ADAMTS18: variants seen among roughly 807,000 people sequenced by gnomAD.
ADAMTS18 encodes ADAM metallopeptidase with thrombospondin type 1 motif 18, also known as A disintegrin and metalloproteinase with thrombospondin motifs 18.
In ADAMTS18, 157 loss-of-function variants were observed where a neutral mutation model predicts 165.9. The observed-to-expected ratio is 0.95, with a 90% CI of 0.83 to 1.08. ADAMTS18 has a LOEUF of 1.08. ADAMTS18 is among the 50% of genes least tolerant of loss of function. The pLI, the probability that ADAMTS18 is intolerant of heterozygous loss-of-function variation, is 0.00. For synonymous variants in ADAMTS18, 782 were observed against 578.2 expected (o/e 1.35, Z -5.06); for missense variants, 2,040 against 1,534.0 (o/e 1.33, Z -5.51).
chr16:77,403,623 G>C (rs2057358159), intron 3 of ADAMTS18, among the ~76,000 whole-genome samples: 1 of 152,166 alleles, frequency 6.6e-6, no homozygotes, highest in African/African-American at 2.4e-5. Context: ...GGCTTAGTCA[G>C]GTCCTCTGAA....
intron 7 of ADAMTS18, 81 bp downstream of exon 7, chr16:77,362,023 AG>A: frequency 6.9e-7 from 1 of 1,445,400 alleles, no homozygotes; most frequent in Non-Finnish European, 9.7e-7. Context: ...AAGGAACATA[AG>A]GGCTATCCAT....
chr16:77,290,391 G>C (rs2055339404), intron 21 of ADAMTS18: 1 of 152,148 alleles, frequency 6.6e-6, no homozygotes, highest in Non-Finnish European at 1.5e-5. Context: ...GGTGGCAACT[G>C]TTTGCTGACC....
In ADAMTS18 at chr16:77,319,937, G is replaced by C; in HGVS notation, c.2444C>G (p.Ala815Gly). Residue 815 changes from alanine (A) to glycine (G), a missense_variant, in exon 16 of 23, where the codon GCT (alanine) becomes GGT (glycine). Transcript: ENST00000282849. Reference protein sequence around the residue: ...SIDWPGEFPFAGTTFEYQRSF... With the variant: ...SIDWPGEFPFGGTTFEYQRSF... ...GCGCTGGTATTCAAACGTGGTCCCA[G>C]CGAAGGGGAACTCCCCAGGCCAGTC... The C allele has an allele frequency of 9.3e-6, 15 of 1,614,192 alleles. No individual in the cohort carries two copies. Among genetic ancestry groups the C allele is most frequent in the Non-Finnish European group, 1.3e-5 (15 of 1,180,036 alleles).
intron 13 of ADAMTS18, among the ~76,000 whole-genome samples, chr16:77,324,396 T>TA (rs1597123025): frequency 6.6e-6 from 1 of 152,224 alleles, no homozygotes; most frequent in Admixed American, 6.5e-5. Flanking sequence ...AGAGGGAGTA[T>TA]ATTTTCATTT....
chr16:77,403,955 A>T (rs2057362494), intron 3 of ADAMTS18, among the ~76,000 whole-genome samples: 1 of 152,064 alleles, frequency 6.6e-6, no homozygotes, highest in Non-Finnish European at 1.5e-5. Flanking sequence ...TGGAGCAGAG[A>T]TCTGAATGAC....
intron 3 of ADAMTS18, among the ~76,000 whole-genome samples, chr16:77,416,061 G>T (rs1342047844): frequency 6.6e-6 from 1 of 152,110 alleles, no homozygotes; most frequent in East Asian, 1.9e-4. Flanking sequence ...GTCAAGCACT[G>T]GGCAATAAAT....
chr16:77,355,215 T>G (rs1272550178), intron 9 of ADAMTS18, among the ~76,000 whole-genome samples: 1 of 151,812 alleles, frequency 6.6e-6, no homozygotes, highest in Admixed American at 6.6e-5. Context: ...TGTGTGTGTG[T>G]GTGTGTGTGT....
rs1238366622 is a variant in ADAMTS18 at position 77,406,753 on chromosome 16, TACAC to T, written c.495+24538_495+24541del. On this transcript the variant is annotated intron_variant, in intron 3 of 22. Transcript: ENST00000282849. ...AACTGGACAAATAAAATTTTGTACATACACACACAGCCATAAAAAAGAATATCAT... is the reference window on the plus strand; with the variant it reads ...AACTGGACAAATAAAATTTTGTACATACACAGCCATAAAAAAGAATATCAT... Among the ~76,000 whole-genome samples, 2 of 151,904 alleles carry T rather than the reference TACAC, an allele frequency of 1.3e-5. 1 individual carries two copies. The highest frequency in any genetic ancestry group is 6.3e-3 in the Middle Eastern group (2 of 316).
chr16:77,425,438 C>T (rs924742464), intron 3 of ADAMTS18, among the ~76,000 whole-genome samples: 4 of 152,178 alleles, frequency 2.6e-5, no homozygotes, highest in African/African-American at 7.2e-5. Flanking sequence ...CCAAGAGAAA[C>T]AGCAAAGCAG....
At chr16:77,379,718 T>A (rs1160277875) in intron 3 of ADAMTS18, among the ~76,000 whole-genome samples, 2 of 152,150 alleles carry the variant, frequency 1.3e-5, no homozygotes, top group South Asian at 2.1e-4. Flanking sequence ...CTCAAATTCC[T>A]GACCTCAAGT....
intron 3 of ADAMTS18, among the ~76,000 whole-genome samples, chr16:77,393,019 G>T (rs1047786847): frequency 6.6e-6 from 1 of 152,144 alleles, no homozygotes; most frequent in African/African-American, 2.4e-5. Context: ...ATCAGGAATC[G>T]ATGGGTACCA....
At chr16:77,369,390 TTTG>T (rs538366475) in intron 3 of ADAMTS18, among the ~76,000 whole-genome samples, 1 of 152,212 alleles carries the variant, frequency 6.6e-6, no homozygotes, top group Non-Finnish European at 1.5e-5. Context: ...TTGGGTTTAG[TTTG>T]TTGTTATTTT....
chr16:77,327,425 T>C (rs74804694), intron 12 of ADAMTS18, among the ~76,000 whole-genome samples: 14,393 of 152,220 alleles, frequency 0.095, 884 homozygotes, highest in East Asian at 0.27. Context: ...AATGAGAACA[T>C]ACAATGTTTG....
rs1408413611 is a variant in ADAMTS18, at chr16:77,282,344, G to C, written c.*1612C>G. Reference sequence around the variant, plus strand: ...TGATAATTATATAAAGAAATAACTTGCTGTTTTTCAGAAGGCAACGGGGTT... The same window carrying C: ...TGATAATTATATAAAGAAATAACTTCCTGTTTTTCAGAAGGCAACGGGGTT... On this transcript the variant is annotated 3_prime_UTR_variant, in exon 23 of 23. Coordinates refer to ENST00000282849, the MANE Select transcript of ADAMTS18 (RefSeq NM_199355.4). 1 of 151,920 alleles carries C rather than the reference G, an allele frequency of 6.6e-6. No homozygotes were observed. Among genetic ancestry groups the C allele is most frequent in the Non-Finnish European group, 1.5e-5 (1 of 67,988 alleles). 9.4% of individuals were successfully genotyped at this position (151,920 alleles called of 1,614,324 possible).
intron 16 of ADAMTS18, among the ~76,000 whole-genome samples, chr16:77,310,858 G>A (rs2055766885): frequency 1.3e-5 from 2 of 152,068 alleles, no homozygotes; most frequent in Non-Finnish European, 2.9e-5. Flanking sequence ...AAACACCCAT[G>A]CTCAAGCAAT....
chr16:77,400,478 GTGTTTTGTTT>G (rs1177626584), intron 3 of ADAMTS18, among the ~76,000 whole-genome samples: 35 of 119,870 alleles, frequency 2.9e-4, no homozygotes, highest in African/African-American at 1.0e-3. Flanking sequence ...GTGTGTGTGT[GTGTTTTGTTT>G]TTTTTTTTTT....
chr16:77,349,983 G>C (rs1265217280), intron 10 of ADAMTS18, among the ~76,000 whole-genome samples: 1 of 152,156 alleles, frequency 6.6e-6, no homozygotes, highest in African/African-American at 2.4e-5. Context: ...GTCAGCTAAA[G>C]AGGATGCATT....
intron 18 of ADAMTS18, 69 bp from the exon 19 acceptor site, chr16:77,295,196 T>G: frequency 6.5e-7 from 1 of 1,547,240 alleles, no homozygotes; most frequent in Non-Finnish European, 8.9e-7. Flanking sequence ...GCAGTTACTG[T>G]GAAAGGTAAA....
rs1468122101 is a variant in ADAMTS18 at position 77,362,498 on chromosome 16, A to T, written c.1057-234T>A. Among the ~76,000 whole-genome samples the T allele has an allele frequency of 2.0e-5, 3 of 152,248 alleles. No homozygotes were observed. In the East Asian group the frequency reaches 5.8e-4, roughly 29 times the overall value. ...ATGATTGATCATAGTTCTACAAAAA[A>T]TAACCTAGCATCAGTTAGAACACCT... On this transcript the variant is annotated intron_variant, in intron 6 of 22. Coordinates refer to ENST00000282849, the MANE Select transcript of ADAMTS18 (RefSeq NM_199355.4).
Sources: allele counts gnomAD v4.1 joint callset (sites outside exome capture counted in the v4.1 genomes callset), GRCh38; gene constraint gnomAD v4.1.1; transcripts MANE v1.5; gene names NCBI Gene and HGNC (gene_info 2026-07-23, HGNC 2026-07-21).